Variants in B3GALT2 observed in about 807,000 individuals in gnomAD.
B3GALT2 encodes UDP-Gal:betaGlcNAc beta 1,3-galactosyltransferase, polypeptide 2.
Under a neutral mutation model 33.5 loss-of-function variants are expected in B3GALT2, and 13 were observed. The ratio of observed to expected loss-of-function variants is 0.39; its 90% CI spans 0.25 to 0.62. The LOEUF is 0.62. Among genes scored for constraint, B3GALT2 ranks in the 20% least tolerant of loss-of-function variants. The probability of loss-of-function intolerance (pLI) is 0.53; values close to 1 mark genes in which losing one functional copy is unlikely to be tolerated. For missense variants in B3GALT2, 418 were observed against 509.1 expected, an observed-to-expected ratio of 0.82 and a Z score of 1.72; for synonymous variants, 195 against 172.7, an observed-to-expected ratio of 1.13 and a Z score of -1.01.
chr1:193,181,078 C>G lies in B3GALT2; in HGVS notation c.485G>C (p.Gly162Ala). The change falls in exon 2 of 2, where the codon GGA becomes GCA. Residue 162 changes from glycine to alanine, a missense_variant. By Grantham distance (60) the Gly-to-Ala change is moderately conservative. Around this residue, in one of 3 missense-constraint regions of B3GALT2, gnomAD observed 188 missense variants for 197.5 expected, o/e 0.95. Transcript: ENST00000367434. ...FLILLIAAEP[G>A]QIEARRAIRQ... ...AATAGCTCTTCTAGCTTCTATTTGT[C>G]CAGGCTCTGCAGCTATTAGTAGTAT... 1.2e-6 allele frequency: 2 copies of G among 1,614,028 alleles called. No individual in the cohort carries two copies. The highest frequency in any genetic ancestry group is 1.7e-6 in the Non-Finnish European group (2 of 1,179,962).
Position 193,180,319 on chromosome 1 carries a change from C to T in B3GALT2, c.1244G>A (p.Arg415Lys), listed in dbSNP as rs754618212. 1 of 1,586,806 alleles carries T rather than the reference C, an allele frequency of 6.3e-7. No individual in the cohort carries two copies. The highest frequency in any genetic ancestry group is 8.6e-7 in the Non-Finnish European group (1 of 1,166,446). Residue 415 changes from arginine (R) to lysine (K), a missense_variant, in exon 2 of 2, where the codon AGG (arginine) becomes AAG (lysine). By Grantham distance (26) the Arg-to-Lys change is conservative. Around this residue, in one of 3 missense-constraint regions of B3GALT2, gnomAD observed 226 missense variants for 293.9 expected, o/e 0.77. Transcript: ENST00000367434. ...CTAATGTAGTTTACGGTGGCGATAC[C>T]TGCCTGCCTTTTCTTTTGCTGCGTT... ...CANAAKEKAGRYRHRKLH is the reference protein window; with the variant it reads ...CANAAKEKAGKYRHRKLH
chr1:193,179,072 A>G lies in B3GALT2; in HGVS notation c.*1222T>C, dbSNP rs1676663311. 6.6e-6 allele frequency: 1 copy of G among 152,176 alleles called. No homozygotes were observed. Among genetic ancestry groups the G allele is most frequent in the Admixed American group, 6.5e-5 (1 of 15,280 alleles). 9.4% of individuals were successfully genotyped at this position (152,176 alleles called of 1,614,324 possible). A position where few individuals can be genotyped will look rare whatever the true frequency, so the allele number is the denominator to read the frequency against. On this transcript the variant is annotated 3_prime_UTR_variant, in exon 2 of 2. Transcript: ENST00000367434. ...AAGTTTTTTGTTTTCCTTTATTTTT[A>G]AAAACTTCATAAAAGTGCATTGTAT...
Position 193,180,040 on chromosome 1 carries a change from C to T in B3GALT2, c.*254G>A. On this transcript the variant is annotated 3_prime_UTR_variant, in exon 2 of 2. Coordinates refer to ENST00000367434, the MANE Select transcript of B3GALT2 (RefSeq NM_003783.3). The stretch of plus-strand genomic sequence containing the variant: ...AGAAGACTTGAACCATTGATTTATG[C>T]ATGCTTGTTATTGCATGTTAATACA... 3.5e-6 allele frequency: 1 copy of T among 288,102 alleles called. No individual in the cohort carries two copies. The highest frequency in any genetic ancestry group is 6.3e-6 in the Non-Finnish European group (1 of 157,930). The allele number at this position is 288,102 out of a possible 1,614,324, so 17.8% of individuals were successfully genotyped here. A position where few individuals can be genotyped will look rare whatever the true frequency, so the allele number is the denominator to read the frequency against.
chr1:193,185,516 G>T (rs958500099), intron 1 of B3GALT2, among the ~76,000 whole-genome samples: 1 of 151,748 alleles, frequency 6.6e-6, no homozygotes, highest in African/African-American at 2.4e-5. Context: ...GGAAGATTTT[G>T]TTACTAAAAG....
rs1389579200 is a variant in B3GALT2 at position 193,180,230 on chromosome 1, G to A, written c.*64C>T. On this transcript the variant is annotated 3_prime_UTR_variant, in exon 2 of 2. Transcript: ENST00000367434. ...AAAACTTGTCCTACGGATGTAATCA[G>A]TTCTAACTATACATGCTTTTAGCAA... is the stretch of plus-strand genomic sequence containing the variant. 3 of 1,425,596 alleles carry A rather than the reference G, an allele frequency of 2.1e-6. No individual in the cohort carries two copies. Among genetic ancestry groups the A allele is most frequent in the East Asian group, 4.6e-5 (2 of 43,280 alleles). 88.3% of individuals were successfully genotyped at this position (1,425,596 alleles called of 1,614,324 possible).
chr1:193,183,594 A>G (rs1676755785), intron 1 of B3GALT2, among the ~76,000 whole-genome samples: 1 of 151,384 alleles, frequency 6.6e-6, no homozygotes, highest in South Asian at 2.1e-4. Flanking sequence ...GTACTTTTAA[A>G]TAGCTGGCCA....
At position 193,181,371 on chromosome 1, in the gene B3GALT2, G is replaced by A. The variant is rs780411189; in HGVS notation, c.192C>T (p.Phe64=). 2.1e-5 allele frequency: 34 copies of A among 1,613,932 alleles called. No homozygotes were observed. In the Admixed American group the frequency reaches 3.8e-4, roughly 18 times the overall value. Residue 64 remains phenylalanine, a synonymous_variant, in exon 2 of 2, where the codon TTC becomes TTT. Transcript: ENST00000367434. ...CACTTTTTGTTGACCGAAATCCTCGGAAAGTGTATGTCACAGGGTTTTCTT... is the reference window on the plus strand; with the variant it reads ...CACTTTTTGTTGACCGAAATCCTCGAAAAGTGTATGTCACAGGGTTTTCTT... ...GFKENPVTYT[F]RGFRSTKSET...
In B3GALT2 at chr1:193,181,211, C is replaced by G; in HGVS notation, c.352G>C (p.Ala118Pro). 1 of 1,613,984 alleles carries G rather than the reference C, an allele frequency of 6.2e-7. No individual in the cohort carries two copies. Among genetic ancestry groups the G allele is most frequent in the Non-Finnish European group, 8.5e-7 (1 of 1,179,946 alleles). Residue 118 changes from alanine (A) to proline (P), a missense_variant, in exon 2 of 2, where the codon GCC becomes CCC. By Grantham distance (27) the Ala-to-Pro change is conservative. Transcript: ENST00000367434. Reference protein sequence around the residue: ...GVTGLENTLSANGSIYNEKGT... With the variant: ...GVTGLENTLSPNGSIYNEKGT... ...TTTTCATTGTAAATACTTCCATTGG[C>G]ACTAAGTGTATTCTCCAGGCCTGTA...
At chr1:193,181,884 A>G (rs901198071) in intron 1 of B3GALT2, among the ~76,000 whole-genome samples, 1 of 152,196 alleles carries the variant, frequency 6.6e-6, no homozygotes, top group African/African-American at 2.4e-5. Flanking sequence ...CACAGTGAGC[A>G]TTTTAAAGAG....
Position 193,181,649 on chromosome 1 carries a change from C to T in B3GALT2, c.-87G>A. The T allele has an allele frequency of 8.1e-7, 1 of 1,227,360 alleles. No individual in the cohort carries two copies. The highest frequency in any genetic ancestry group is 1.1e-6 in the Non-Finnish European group (1 of 879,636). 76.0% of individuals were successfully genotyped at this position (1,227,360 alleles called of 1,614,324 possible). A position where few individuals can be genotyped will look rare whatever the true frequency, so the allele number is the denominator to read the frequency against. ...AATACTATTCTTTGGCAATCATTTTCTAATTCAGTCACATTGTCTCTCTTG... is the reference window on the plus strand; with the variant it reads ...AATACTATTCTTTGGCAATCATTTTTTAATTCAGTCACATTGTCTCTCTTG... On this transcript the variant is annotated 5_prime_UTR_variant, in exon 2 of 2. Coordinates refer to ENST00000367434, the MANE Select transcript of B3GALT2 (RefSeq NM_003783.3).
Position 193,180,642 on chromosome 1 carries a change from A to T in B3GALT2, c.921T>A (p.Arg307=). 1.2e-6 allele frequency: 2 copies of T among 1,614,138 alleles called. No homozygotes were observed. The highest frequency in any genetic ancestry group is 1.7e-6 in the Non-Finnish European group (2 of 1,179,966). ...YMPPDLYPSE[R]YPVFCSGTGY... is the part of the protein sequence containing the mutation. Reference sequence around the variant, plus strand: ...CAGTTCCAGAACAGAAGACAGGATAACGCTCACTTGGGTAGAGGTCTGGTG... The same window carrying T: ...CAGTTCCAGAACAGAAGACAGGATATCGCTCACTTGGGTAGAGGTCTGGTG... The change falls in exon 2 of 2, where the codon CGT becomes CGA. Residue 307 remains arginine, a synonymous_variant. Coordinates refer to ENST00000367434, the MANE Select transcript of B3GALT2 (RefSeq NM_003783.3).
At chr1:193,184,990 C>A (rs1467937328) in intron 1 of B3GALT2, among the ~76,000 whole-genome samples, 1 of 151,820 alleles carries the variant, frequency 6.6e-6, no homozygotes, top group Non-Finnish European at 1.5e-5. Context: ...GTTCTTGAGC[C>A]CTGAGTTGCT....
chr1:193,183,100 G>T (rs1572182045), intron 1 of B3GALT2, among the ~76,000 whole-genome samples: 1 of 151,782 alleles, frequency 6.6e-6, no homozygotes, highest in South Asian at 2.1e-4. Context: ...AATTTACATG[G>T]AAATCCTCAT....
At position 193,181,609 on chromosome 1, in the gene B3GALT2, T is replaced by C; in HGVS notation, c.-47A>G. The C allele has an allele frequency of 1.4e-6, 2 of 1,477,270 alleles. No homozygotes were observed. The highest frequency in any genetic ancestry group is 2.7e-5 in the South Asian group (2 of 73,890). The allele number at this position is 1,477,270 out of a possible 1,614,324, so 91.5% of individuals were successfully genotyped here. On this transcript the variant is annotated 5_prime_UTR_variant, in exon 2 of 2. Transcript: ENST00000367434. ...TATATGAGAGATTGGTGACCAAAAA[T>C]GTTTTCTTCTCCTTAATACTATTCT...
rs948797685 is a variant in B3GALT2, at chr1:193,179,155, C to CA, written c.*1138dup. On this transcript the variant is annotated 3_prime_UTR_variant, in exon 2 of 2. Coordinates refer to ENST00000367434, the MANE Select transcript of B3GALT2 (RefSeq NM_003783.3). The stretch of plus-strand genomic sequence containing the variant: ...CGTTTGTAGTTTTCCCCATCCCTCC[C>CA]AAAAAGGTTTTTAATTGGTGATTCA... 1.3e-5 allele frequency: 2 copies of CA among 152,084 alleles called. No individual in the cohort carries two copies. Among genetic ancestry groups the CA allele is most frequent in the African/African-American group, 2.4e-5 (1 of 41,422 alleles). The allele number at this position is 152,084 out of a possible 1,614,324, so 9.4% of individuals were successfully genotyped here. A position where few individuals can be genotyped will look rare whatever the true frequency, so the allele number is the denominator to read the frequency against.
At position 193,181,196 on chromosome 1, in the gene B3GALT2, A is replaced by G. The variant is rs41265203; in HGVS notation, c.367T>C (p.Tyr123His). The G allele has an allele frequency of 6.2e-7, 1 of 1,613,792 alleles. No individual in the cohort carries two copies. The change falls in exon 2 of 2, where the codon TAC becomes CAC. Residue 123 changes from tyrosine (Y) to histidine (H), a missense_variant. Transcript: ENST00000367434. ...GGATGTCCAGTACCTTTTTCATTGT[A>G]AATACTTCCATTGGCACTAAGTGTA... The part of the protein sequence containing the change: ...ENTLSANGSI[Y>H]NEKGTGHPNS...
rs897003774 is a variant in B3GALT2, at chr1:193,180,043, G to A, written c.*251C>T. On this transcript the variant is annotated 3_prime_UTR_variant, in exon 2 of 2. Coordinates refer to ENST00000367434, the MANE Select transcript of B3GALT2 (RefSeq NM_003783.3). ...AGACTTGAACCATTGATTTATGCAT[G>A]CTTGTTATTGCATGTTAATACACAG... 1.2e-4 allele frequency: 36 copies of A among 295,572 alleles called. No individual in the cohort carries two copies. Among genetic ancestry groups the A allele is most frequent in the African/African-American group, 7.4e-4 (34 of 46,244 alleles). The allele number at this position is 295,572 out of a possible 1,614,324, so 18.3% of individuals were successfully genotyped here. A position where few individuals can be genotyped will look rare whatever the true frequency, so the allele number is the denominator to read the frequency against.
chr1:193,181,158 A>ATGG lies in B3GALT2; in HGVS notation c.402_404dup (p.His135dup). 6.2e-7 allele frequency: 1 copy of ATGG among 1,613,938 alleles called. No homozygotes were observed. Among genetic ancestry groups the ATGG allele is most frequent in the East Asian group, 2.2e-5 (1 of 44,888 alleles). Reference sequence around the variant, plus strand: ...CAGGCTCATTAATAATATATTTGAAATGGTAAGAATTTGGATGTCCAGTAC... The same window carrying ATGG: ...CAGGCTCATTAATAATATATTTGAAATGGTGGTAAGAATTTGGATGTCCAGTAC... On this transcript the variant is annotated inframe_insertion, in exon 2 of 2. Transcript: ENST00000367434.
At chr1:193,184,006 T>G (rs1189243886) in intron 1 of B3GALT2, among the ~76,000 whole-genome samples, 1 of 151,882 alleles carries the variant, frequency 6.6e-6, no homozygotes, top group Non-Finnish European at 1.5e-5. Context: ...TACCTGAAGA[T>G]GTCTCTAAAG....
Sources: gnomAD v4.1 joint callset for allele counts (sites outside exome capture counted in the v4.1 genomes callset) on GRCh38, gnomAD v4.1.1 for gene constraint, gnomAD v4.1.1 regional missense constraint, MANE v1.5 for transcripts, NCBI Gene and HGNC (gene_info 2026-07-23, HGNC 2026-07-21) for gene names.